FHIT: variants seen among roughly 807,000 people sequenced by gnomAD.
The protein encoded by FHIT is bis(5'-adenosyl)-triphosphatase.
In FHIT, 19 loss-of-function variants were observed where a neutral mutation model predicts 17.9. That is an observed-to-expected ratio of 1.06 (90% CI 0.74 to 1.56). The LOEUF (loss-of-function observed/expected upper bound fraction) is 1.56. Ranked by LOEUF, FHIT falls within the 40% of genes most tolerant of loss-of-function variation. The probability of loss-of-function intolerance (pLI) is 0.00; values close to 1 mark genes in which losing one functional copy is unlikely to be tolerated. For synonymous variants in FHIT, 81 were observed against 69.7 expected (o/e 1.16, Z -0.81); for missense variants, 248 against 189.2 (o/e 1.31, Z -1.82).
intron 5 of FHIT, among the ~76,000 whole-genome samples, chr3:60,076,558 C>CT (rs749915467): frequency 2.6e-5 from 4 of 151,830 alleles, no homozygotes; most frequent in African/African-American, 9.7e-5. Flanking sequence ...GCTGCTGCTG[C>CT]TTTTTTTAAA....
intron 2 of FHIT, among the ~76,000 whole-genome samples, chr3:61,074,417 G>A (rs966752714): frequency 2.6e-5 from 4 of 152,200 alleles, no homozygotes; most frequent in African/African-American, 9.7e-5. Context: ...GGTGACCCAT[G>A]AGCCAAATCT....
At chr3:59,999,601 G>A (rs997383664) in intron 7 of FHIT, among the ~76,000 whole-genome samples, 64 of 152,062 alleles carry the variant, frequency 4.2e-4, no homozygotes, top group African/African-American at 1.5e-3. Context: ...CTTCAACTCC[G>A]ACTGGCTTAA....
chr3:59,816,901 A>G (rs939131359), intron 8 of FHIT, among the ~76,000 whole-genome samples: 1 of 152,204 alleles, frequency 6.6e-6, no homozygotes, highest in Non-Finnish European at 1.5e-5. Context: ...GAAGTGACTG[A>G]GACTTAAGCA....
intron 7 of FHIT, among the ~76,000 whole-genome samples, chr3:59,950,805 A>G (rs867643631): frequency 3.3e-5 from 5 of 152,162 alleles, no homozygotes; most frequent in South Asian, 2.1e-4. Context: ...TCTGAATCCA[A>G]CGTTGAGAGC....
At chr3:61,240,002 G>C (rs143257354) in intron 1 of FHIT, among the ~76,000 whole-genome samples, 94 of 152,148 alleles carry the variant, frequency 6.2e-4, no homozygotes, top group Non-Finnish European at 1.1e-3. Context: ...GGACCCAGCT[G>C]TTCCATCTGC....
intron 3 of FHIT, among the ~76,000 whole-genome samples, chr3:60,961,255 C>G (rs1709425115): frequency 6.6e-6 from 1 of 151,296 alleles, no homozygotes; most frequent in Admixed American, 6.6e-5. Flanking sequence ...CTGTTCATAT[C>G]CTTCGTTCAC....
intron 2 of FHIT, among the ~76,000 whole-genome samples, chr3:61,043,044 C>T (rs756514428): frequency 2.0e-5 from 3 of 152,076 alleles, no homozygotes; most frequent in Non-Finnish European, 2.9e-5. Flanking sequence ...GCTTGAGTGA[C>T]GCAGAAGACA....
intron 3 of FHIT, among the ~76,000 whole-genome samples, chr3:60,964,309 T>C (rs1411933874): frequency 6.6e-6 from 1 of 152,158 alleles, no homozygotes; most frequent in African/African-American, 2.4e-5. Flanking sequence ...ATCCCTTTAG[T>C]TTGAGCCTAT....
chr3:60,105,497 G>C (rs1048655926), intron 5 of FHIT, among the ~76,000 whole-genome samples: 13 of 152,126 alleles, frequency 8.5e-5, no homozygotes, highest in African/African-American at 2.7e-4. Context: ...TAAAATGTAA[G>C]AGGACAAGAC....
intron 4 of FHIT, among the ~76,000 whole-genome samples, chr3:60,711,830 C>A (rs1553705206): frequency 6.6e-6 from 1 of 152,166 alleles, no homozygotes; most frequent in African/African-American, 2.4e-5. Context: ...GAGAATGGAA[C>A]CAAGTTGGAA....
At chr3:60,300,417 G>C (rs1576443105) in intron 5 of FHIT, among the ~76,000 whole-genome samples, 1 of 152,092 alleles carries the variant, frequency 6.6e-6, no homozygotes, top group Admixed American at 6.6e-5. Context: ...GGGAGGATTA[G>C]AGTCAAAAGA....
chr3:60,907,082 A>T (rs1706467291), intron 3 of FHIT, among the ~76,000 whole-genome samples: 1 of 152,170 alleles, frequency 6.6e-6, no homozygotes, highest in Non-Finnish European at 1.5e-5. Flanking sequence ...GACACAAAAT[A>T]GTTACCCAGT....
intron 5 of FHIT, among the ~76,000 whole-genome samples, chr3:60,444,622 A>G (rs565857430): frequency 2.0e-5 from 3 of 152,156 alleles, no homozygotes; most frequent in African/African-American, 7.2e-5. Context: ...GCATGTTCTC[A>G]CTCATAGCTG....
At chr3:61,221,915 G>T (rs997743851) in intron 1 of FHIT, among the ~76,000 whole-genome samples, 2 of 152,176 alleles carry the variant, frequency 1.3e-5, no homozygotes, top group African/African-American at 4.8e-5. Flanking sequence ...CCTCCACCAC[G>T]TGGCCTGTGT....
intron 2 of FHIT, among the ~76,000 whole-genome samples, chr3:61,085,073 C>T (rs1343721952): frequency 2.0e-5 from 3 of 152,082 alleles, no homozygotes; most frequent in Non-Finnish European, 2.9e-5. Context: ...ACCTAGATTG[C>T]TTCTATAATA....
chr3:60,398,437 G>A (rs114812165), intron 5 of FHIT, among the ~76,000 whole-genome samples: 1,823 of 152,178 alleles, frequency 0.012, 31 homozygotes, highest in African/African-American at 0.041. Context: ...AGTAATAATC[G>A]TGTGTGTAAC....
At chr3:60,185,654 T>G (rs1234497029) in intron 5 of FHIT, among the ~76,000 whole-genome samples, 2 of 152,186 alleles carry the variant, frequency 1.3e-5, no homozygotes, top group Non-Finnish European at 2.9e-5. Flanking sequence ...GACTGCTGGA[T>G]TGTATGGTAA....
At chr3:60,768,696 G>A (rs1553722211) in intron 4 of FHIT, among the ~76,000 whole-genome samples, 1 of 152,236 alleles carries the variant, frequency 6.6e-6, no homozygotes, top group Non-Finnish European at 1.5e-5. Flanking sequence ...GGGCTACGAG[G>A]AAACAGAAAC....
At chr3:60,463,955 C>A (rs1317222495) in intron 5 of FHIT, among the ~76,000 whole-genome samples, 1 of 152,192 alleles carries the variant, frequency 6.6e-6, no homozygotes, top group Non-Finnish European at 1.5e-5. Context: ...GCCATTCTAG[C>A]AAGTGTGTGG....
Sources: allele counts gnomAD v4.1 joint callset (sites outside exome capture counted in the v4.1 genomes callset), GRCh38; gene constraint gnomAD v4.1.1; transcripts MANE v1.5; gene names NCBI Gene and HGNC (gene_info 2026-07-23, HGNC 2026-07-21).